KCND2: variants seen among roughly 807,000 people sequenced by gnomAD.
The protein encoded by KCND2 is potassium voltage-gated channel subfamily D member 2, also known as A-type voltage-gated potassium channel KCND2.
In KCND2, 16 loss-of-function variants were observed where a neutral mutation model predicts 54.4. That is an observed-to-expected ratio of 0.29 (90% CI 0.20 to 0.45). The LOEUF is 0.45. KCND2 is among the 20% of genes least tolerant of loss of function. The pLI, the probability that KCND2 is intolerant of heterozygous loss-of-function variation, is 1.00. For missense variants in KCND2, 486 were observed against 824.2 expected (o/e 0.59, Z 5.02); for synonymous variants, 317 against 310.7 (o/e 1.02, Z -0.21).
At chr7:120,322,404 A>C (rs1348634875) in intron 1 of KCND2, among the ~76,000 whole-genome samples, 2 of 152,120 alleles carry the variant, frequency 1.3e-5, no homozygotes, top group Non-Finnish European at 2.9e-5. Context: ...GGATAAAAAC[A>C]AAACCTAACT....
rs148628579 is a variant in KCND2 at position 120,313,939 on chromosome 7, A to G, written c.1115+38192A>G. Among the ~76,000 whole-genome samples, 1,342 of 152,072 alleles carry G rather than the reference A, an allele frequency of 8.8e-3. 18 individuals are homozygous for G. Among genetic ancestry groups the G allele is most frequent in the African/African-American group, 0.03 (1,257 of 41,514 alleles). On this transcript the variant is annotated intron_variant, in intron 1 of 5. Coordinates refer to ENST00000331113, the MANE Select transcript of KCND2 (RefSeq NM_012281.3). ...TTTGTAAGGACACTTTTATTTCTTC[A>G]GTATAAATACAAAAAAGAAAAAAAA...
At chr7:120,693,366 G>T (rs1317214938) in intron 1 of KCND2, among the ~76,000 whole-genome samples, 1 of 152,124 alleles carries the variant, frequency 6.6e-6, no homozygotes, top group Non-Finnish European at 1.5e-5. Flanking sequence ...ATTAATGTTT[G>T]TCTGTCTTAT....
chr7:120,600,824 C>T (rs527378117), intron 1 of KCND2, among the ~76,000 whole-genome samples: 3 of 151,978 alleles, frequency 2.0e-5, no homozygotes, highest in South Asian at 4.1e-4. Context: ...TGTATTATAT[C>T]AATGAATGTT....
intron 1 of KCND2, among the ~76,000 whole-genome samples, chr7:120,476,954 G>C (rs1194947294): frequency 2.6e-5 from 4 of 152,142 alleles, no homozygotes; most frequent in African/African-American, 7.2e-5. Flanking sequence ...CTCTTGACTA[G>C]AGTGGTAAAT....
intron 1 of KCND2, among the ~76,000 whole-genome samples, chr7:120,540,500 A>G (rs571271145): frequency 6.6e-6 from 1 of 152,294 alleles, no homozygotes; most frequent in African/African-American, 2.4e-5. Context: ...AGCTTTGACT[A>G]TGTTTTTAAA....
At chr7:120,333,155 A>T (rs759227927) in intron 1 of KCND2, among the ~76,000 whole-genome samples, 5 of 152,068 alleles carry the variant, frequency 3.3e-5, no homozygotes, top group Non-Finnish European at 2.9e-5. Flanking sequence ...TTATCATGTT[A>T]TTTGGTGTGT....
At chr7:120,482,069 C>G (rs1234096795) in intron 1 of KCND2, among the ~76,000 whole-genome samples, 1 of 152,106 alleles carries the variant, frequency 6.6e-6, no homozygotes, top group Non-Finnish European at 1.5e-5. Flanking sequence ...GGCAGGGTTG[C>G]CTGAGGCCTT....
chr7:120,427,549 C>T (rs1376585457), intron 1 of KCND2, among the ~76,000 whole-genome samples: 1 of 152,130 alleles, frequency 6.6e-6, no homozygotes, highest in African/African-American at 2.4e-5. Flanking sequence ...AGTGCCAAAG[C>T]TCTGGTATCA....
At chr7:120,304,401 A>T (rs909799755) in intron 1 of KCND2, among the ~76,000 whole-genome samples, 1 of 152,152 alleles carries the variant, frequency 6.6e-6, no homozygotes, top group Admixed American at 6.6e-5. Context: ...ATTACATAAG[A>T]TTTTTCTTGG....
At chr7:120,601,343 A>G (rs916369383) in intron 1 of KCND2, among the ~76,000 whole-genome samples, 1 of 152,204 alleles carries the variant, frequency 6.6e-6, no homozygotes, top group Admixed American at 6.6e-5. Flanking sequence ...AGGGAACACA[A>G]GGGAGCCAAT....
chr7:120,693,208 C>G (rs1792293097), intron 1 of KCND2, among the ~76,000 whole-genome samples: 1 of 152,118 alleles, frequency 6.6e-6, no homozygotes. Context: ...GAGTTCTACT[C>G]TAGCATAGTT....
At chr7:120,347,028 A>G (rs546696916) in intron 1 of KCND2, among the ~76,000 whole-genome samples, 10 of 152,074 alleles carry the variant, frequency 6.6e-5, no homozygotes, top group East Asian at 3.9e-4. Context: ...CTAGCCTTCA[A>G]TGTCTCATGG....
Position 120,749,741 on chromosome 7 carries a change from A to G in KCND2, c.*1883A>G, listed in dbSNP as rs1793049205. ...GAAGAACTGGCTTCATTCCTAGTACATCTTTTAAAAAGTTACTAATTTTCC... is the reference window on the plus strand; with the variant it reads ...GAAGAACTGGCTTCATTCCTAGTACGTCTTTTAAAAAGTTACTAATTTTCC... On this transcript the variant is annotated 3_prime_UTR_variant, in exon 6 of 6. Transcript: ENST00000331113. 1 of 152,354 alleles carries G rather than the reference A, an allele frequency of 6.6e-6. No individual in the cohort carries two copies. The highest frequency in any genetic ancestry group is 2.4e-5 in the African/African-American group (1 of 41,438). 9.4% of individuals were successfully genotyped at this position (152,354 alleles called of 1,614,324 possible).
intron 1 of KCND2, among the ~76,000 whole-genome samples, chr7:120,389,598 GGTTTGTTT>G (rs202083816): frequency 6.6e-6 from 1 of 151,042 alleles, no homozygotes; most frequent in African/African-American, 2.4e-5. Flanking sequence ...TAAGGTTTTT[GGTTTGTTT>G]GTTTGTTTGT....
At chr7:120,582,557 T>A (rs1792530688) in intron 1 of KCND2, among the ~76,000 whole-genome samples, 1 of 152,142 alleles carries the variant, frequency 6.6e-6, no homozygotes, top group Non-Finnish European at 1.5e-5. Context: ...AGAATTTGTC[T>A]GCTGCAAGGC....
intron 1 of KCND2, among the ~76,000 whole-genome samples, chr7:120,379,726 G>A (rs964434793): frequency 6.6e-6 from 1 of 151,984 alleles, no homozygotes; most frequent in African/African-American, 2.4e-5. Context: ...TCTGATGTCT[G>A]GGCAGGGGCA....
intron 1 of KCND2, among the ~76,000 whole-genome samples, chr7:120,567,012 T>C (rs183375653): frequency 1.3e-5 from 2 of 152,028 alleles, no homozygotes; most frequent in Admixed American, 1.3e-4. Flanking sequence ...TAAACCTGTG[T>C]TGCATTTTTA....
At chr7:120,395,507 A>G (rs1801141226) in intron 1 of KCND2, among the ~76,000 whole-genome samples, 1 of 152,050 alleles carries the variant, frequency 6.6e-6, no homozygotes, top group Admixed American at 6.6e-5. Flanking sequence ...TGGCTTCACC[A>G]GGAGATAATT....
intron 1 of KCND2, among the ~76,000 whole-genome samples, chr7:120,611,909 C>G (rs1199056026): frequency 6.6e-6 from 1 of 152,170 alleles, no homozygotes; most frequent in Non-Finnish European, 1.5e-5. Flanking sequence ...TGTTTAGACT[C>G]CACGGGTAGT....
Sources: allele counts gnomAD v4.1 joint callset (sites outside exome capture counted in the v4.1 genomes callset), GRCh38; gene constraint gnomAD v4.1.1; transcripts MANE v1.5; gene names NCBI Gene and HGNC (gene_info 2026-07-23, HGNC 2026-07-21).